SHANK2: variants seen among roughly 807,000 people sequenced by gnomAD.
SHANK2 encodes SH3 and multiple ankyrin repeat domains 2.
In SHANK2, 43 loss-of-function variants were observed where a neutral mutation model predicts 133.7. The observed-to-expected ratio is 0.32, with a 90% CI of 0.25 to 0.41. The LOEUF (loss-of-function observed/expected upper bound fraction) is 0.41, where lower values mean the gene tolerates loss of function less well. SHANK2 is among the 10% of genes least tolerant of loss of function. SHANK2 has a pLI of 1.00. For synonymous variants in SHANK2, 1,017 were observed against 952.8 expected (o/e 1.07, Z -1.24); for missense variants, 1,994 against 2,235.8 (o/e 0.89, Z 2.18).
At chr11:71,250,754 GGGGTT>G (rs1311461858) in intron 1 of SHANK2, among the ~76,000 whole-genome samples, 2 of 152,148 alleles carry the variant, frequency 1.3e-5, no homozygotes, top group African/African-American at 4.8e-5. Flanking sequence ...GCAGGGCACC[GGGGTT>G]AAGGCTGAAT....
At chr11:70,832,179 G>A (rs1948736023) in intron 11 of SHANK2, among the ~76,000 whole-genome samples, 1 of 152,214 alleles carries the variant, frequency 6.6e-6, no homozygotes, top group Non-Finnish European at 1.5e-5. Context: ...AGAGTCATAA[G>A]GATAAAGTAA....
At chr11:70,730,850 T>C (rs1362553040) in intron 14 of SHANK2, among the ~76,000 whole-genome samples, 2 of 149,858 alleles carry the variant, frequency 1.3e-5, no homozygotes, top group African/African-American at 4.9e-5. Context: ...TTTTTGTAAT[T>C]TAGGTGAAAT....
intron 17 of SHANK2, among the ~76,000 whole-genome samples, chr11:70,590,599 G>C (rs1357639515): frequency 6.6e-6 from 1 of 152,244 alleles, no homozygotes; most frequent in Non-Finnish European, 1.5e-5. Context: ...ACATTGAAGT[G>C]AGACTCTCCA....
At chr11:70,789,147 T>A (rs79279034) in intron 14 of SHANK2, among the ~76,000 whole-genome samples, 2 of 152,284 alleles carry the variant, frequency 1.3e-5, no homozygotes, top group African/African-American at 4.8e-5. Flanking sequence ...CTTGGGAATC[T>A]GGACAGCCTG....
chr11:70,906,341 C>T (rs1186599106), intron 10 of SHANK2, among the ~76,000 whole-genome samples: 5 of 152,134 alleles, frequency 3.3e-5, no homozygotes, highest in Admixed American at 3.3e-4. Context: ...CCTGGAGAGG[C>T]TGTGGACTTG....
At chr11:70,575,726 A>G (rs1490352848) in intron 17 of SHANK2, among the ~76,000 whole-genome samples, 1 of 151,332 alleles carries the variant, frequency 6.6e-6, no homozygotes, top group Non-Finnish European at 1.5e-5. Context: ...GCGCAGGATG[A>G]GATGTGTGGA....
At chr11:70,674,543 T>TG (rs1203710333) in intron 15 of SHANK2, among the ~76,000 whole-genome samples, 1 of 152,232 alleles carries the variant, frequency 6.6e-6, no homozygotes, top group Non-Finnish European at 1.5e-5. Context: ...CAGACGGGGT[T>TG]TTGCCATGTT....
intron 25 of SHANK2, chr11:70,474,785 C>T (rs1418743071): frequency 6.6e-6 from 1 of 152,246 alleles, no homozygotes; most frequent in Non-Finnish European, 1.5e-5. Flanking sequence ...TCTTCAAGAC[C>T]TGGACTTGAG....
At chr11:70,929,614 G>T (rs1427556957) in intron 10 of SHANK2, among the ~76,000 whole-genome samples, 1 of 152,154 alleles carries the variant, frequency 6.6e-6, no homozygotes, top group South Asian at 2.1e-4. Context: ...CGTGCCTGTT[G>T]TCACATGACT....
chr11:71,085,798 C>T (rs1157993305), intron 8 of SHANK2, among the ~76,000 whole-genome samples: 12,440 of 56,144 alleles, frequency 0.22, 1,462 homozygotes, highest in African/African-American at 0.25. Context: ...ATATATGATA[C>T]AACATAATAT....
chr11:70,615,844 T>C (rs1244125290), intron 17 of SHANK2, among the ~76,000 whole-genome samples: 1 of 152,128 alleles, frequency 6.6e-6, no homozygotes, highest in Non-Finnish European at 1.5e-5. Flanking sequence ...ATTGGCTTTG[T>C]TGGCAACAAG....
chr11:70,622,113 G>A (rs532143418), intron 17 of SHANK2, among the ~76,000 whole-genome samples: 1 of 152,282 alleles, frequency 6.6e-6, no homozygotes, highest in East Asian at 1.9e-4. Flanking sequence ...TGGGGTGGGT[G>A]AGCCTGACAA....
At chr11:71,235,743 T>G (rs1232302246) in intron 1 of SHANK2, among the ~76,000 whole-genome samples, 1 of 152,132 alleles carries the variant, frequency 6.6e-6, no homozygotes, top group African/African-American at 2.4e-5. Flanking sequence ...AAGGCCACCA[T>G]GTACAGGCAT....
At chr11:71,108,843 G>A (rs964045397) in intron 6 of SHANK2, among the ~76,000 whole-genome samples, 6 of 152,164 alleles carry the variant, frequency 3.9e-5, no homozygotes, top group Admixed American at 1.3e-4. Flanking sequence ...TGCTCACAGC[G>A]AAGCCTAAGG....
chr11:70,934,439 A>G (rs1950544715), intron 10 of SHANK2, among the ~76,000 whole-genome samples: 1 of 152,034 alleles, frequency 6.6e-6, no homozygotes, highest in South Asian at 2.1e-4. Flanking sequence ...GCAGCCTCAA[A>G]CACAGGGGCT....
At chr11:70,861,575 A>G (rs1416702177) in intron 11 of SHANK2, among the ~76,000 whole-genome samples, 3 of 152,188 alleles carry the variant, frequency 2.0e-5, no homozygotes, top group Non-Finnish European at 4.4e-5. Flanking sequence ...TTTTTTTTTA[A>G]ACCATGCAAA....
chr11:70,559,021 C>G (rs185758192), intron 17 of SHANK2, among the ~76,000 whole-genome samples: 1 of 152,090 alleles, frequency 6.6e-6, no homozygotes, highest in East Asian at 2.0e-4. Flanking sequence ...TTCACAGACG[C>G]TATATTTTTT....
intron 15 of SHANK2, among the ~76,000 whole-genome samples, chr11:70,664,500 C>G (rs2134293053): frequency 6.6e-6 from 1 of 152,320 alleles, no homozygotes; most frequent in East Asian, 1.9e-4. Flanking sequence ...ATGCCGAACC[C>G]TGGGGTCTGG....
intron 11 of SHANK2, among the ~76,000 whole-genome samples, chr11:70,849,044 C>G (rs1052692771): frequency 1.4e-4 from 21 of 152,174 alleles, no homozygotes; most frequent in Admixed American, 6.5e-4. Context: ...TGCAGGGCCA[C>G]TGAAAATATG....
Sources: gnomAD v4.1 joint callset for allele counts (sites outside exome capture counted in the v4.1 genomes callset) on GRCh38, gnomAD v4.1.1 for gene constraint, MANE v1.5 for transcripts, NCBI Gene and HGNC (gene_info 2026-07-23, HGNC 2026-07-21) for gene names.